The following TMEM132C variants were observed in gnomAD, a reference collection of about 807,000 sequenced individuals.
TMEM132C encodes the protein protein phosphatase 1, regulatory subunit 152.
Under a neutral mutation model 61.4 loss-of-function variants are expected in TMEM132C, and 29 were observed. The ratio of observed to expected loss-of-function variants is 0.47; its 90% confidence interval spans 0.35 to 0.64. The LOEUF (loss-of-function observed/expected upper bound fraction) is 0.64, where lower values mean the gene tolerates loss of function less well. Ranked by LOEUF, TMEM132C falls within the 30% of genes least tolerant of loss-of-function variation. The pLI, the probability that TMEM132C is intolerant of heterozygous loss-of-function variation, is 0.00. For synonymous variants in TMEM132C, 656 were observed against 633.1 expected (o/e 1.04, Z -0.54); for missense variants, 1,408 against 1,476.9 (o/e 0.95, Z 0.76).
intron 4 of TMEM132C, among the ~76,000 whole-genome samples, chr12:128,652,653 C>A (rs999084384): frequency 6.6e-6 from 1 of 152,232 alleles, no homozygotes; most frequent in Non-Finnish European, 1.5e-5. Flanking sequence ...GCCTGGTGGC[C>A]AGCATGGCCA....
rs58748919 is a variant in TMEM132C at position 128,358,493 on chromosome 12, T to TTGTGTGTGTGTGTGTG, written c.86-56221_86-56206dup. On this transcript the variant is annotated intron_variant, in intron 1 of 8. Coordinates refer to ENST00000435159, the MANE Select transcript of TMEM132C (RefSeq NM_001136103.3). ...GAAGATGCCATGACCACTTTTAAAA[T>TTGTGTGTGTGTGTGTG]TGTGTGTGTGTGTGTGTGTGTGTGT... Among the ~76,000 whole-genome samples, 514 of 144,996 alleles carry TTGTGTGTGTGTGTGTG rather than the reference T, an allele frequency of 3.5e-3. 8 individuals carry two copies. The highest frequency in any genetic ancestry group is 0.011 in the Middle Eastern group (3 of 280).
At chr12:128,482,010 G>A (rs1018179928) in intron 2 of TMEM132C, among the ~76,000 whole-genome samples, 22 of 152,284 alleles carry the variant, frequency 1.4e-4, no homozygotes, top group Admixed American at 1.4e-3. Context: ...TGCCCATTCA[G>A]TGTGATATTG....
intron 1 of TMEM132C, among the ~76,000 whole-genome samples, chr12:128,274,278 A>G (rs1251799680): frequency 6.6e-6 from 1 of 152,216 alleles, no homozygotes; most frequent in Non-Finnish European, 1.5e-5. Context: ...TGGAATCCTA[A>G]AGTAACCCAA....
chr12:128,388,513 G>A (rs980722869), intron 1 of TMEM132C, among the ~76,000 whole-genome samples: 2 of 152,194 alleles, frequency 1.3e-5, no homozygotes, highest in Admixed American at 6.5e-5. Flanking sequence ...TAAACTGTCT[G>A]AGGGCCAGTG....
chr12:128,500,220 G>T (rs185919480), intron 2 of TMEM132C, among the ~76,000 whole-genome samples: 23 of 152,236 alleles, frequency 1.5e-4, no homozygotes, highest in African/African-American at 5.5e-4. Context: ...AAATCTACTT[G>T]GAAGAGCTAA....
At chr12:128,318,289 A>G in intron 1 of TMEM132C, among the ~76,000 whole-genome samples, 1 of 152,200 alleles carries the variant, frequency 6.6e-6, no homozygotes. Context: ...AACAACTCCA[A>G]ATTTCTAGTT....
chr12:128,592,216 C>T (rs370481738), intron 3 of TMEM132C, among the ~76,000 whole-genome samples: 1 of 152,194 alleles, frequency 6.6e-6, no homozygotes, highest in Non-Finnish European at 1.5e-5. Flanking sequence ...ACGGAGGCTG[C>T]GCCTAAGGTC....
intron 1 of TMEM132C, among the ~76,000 whole-genome samples, chr12:128,365,979 C>T (rs1020210425): frequency 6.6e-6 from 1 of 152,208 alleles, no homozygotes; most frequent in Non-Finnish European, 1.5e-5. Flanking sequence ...TTGAAAGCCA[C>T]CCACTGCTGT....
In TMEM132C at chr12:128,360,245, G is replaced by GACACACAC. The variant is rs145728632; in HGVS notation, c.86-54458_86-54451dup. 8.4e-4 allele frequency among the ~76,000 whole-genome samples: 123 copies of GACACACAC among 146,098 alleles called. 2 individuals are homozygous for GACACACAC. Among genetic ancestry groups the GACACACAC allele is most frequent in the African/African-American group, 2.7e-3 (105 of 39,202 alleles). The stretch of plus-strand genomic sequence containing the variant: ...TAACAATGTTAGATTGATAAAGGAC[G>GACACACAC]ACACACACACACACACACACACACA... On this transcript the variant is annotated intron_variant, in intron 1 of 8. Transcript: ENST00000435159.
At chr12:128,553,060 T>C (rs1874225475) in intron 3 of TMEM132C, among the ~76,000 whole-genome samples, 2 of 152,172 alleles carry the variant, frequency 1.3e-5, no homozygotes, top group Non-Finnish European at 2.9e-5. Flanking sequence ...TGCAAGGGTG[T>C]CCAGTCTTTT....
chr12:128,595,451 C>T (rs1331286349), intron 3 of TMEM132C, among the ~76,000 whole-genome samples: 3 of 152,188 alleles, frequency 2.0e-5, no homozygotes, highest in Admixed American at 6.5e-5. Context: ...TTACCATACC[C>T]GCTGTTCACT....
intron 2 of TMEM132C, among the ~76,000 whole-genome samples, chr12:128,449,351 A>C (rs1870105088): frequency 6.6e-6 from 1 of 152,016 alleles, no homozygotes; most frequent in Non-Finnish European, 1.5e-5. Context: ...TACTGAAATT[A>C]CTTTCCTGGT....
At chr12:128,409,425 G>T (rs956860486) in intron 1 of TMEM132C, among the ~76,000 whole-genome samples, 1 of 152,084 alleles carries the variant, frequency 6.6e-6, no homozygotes, top group Non-Finnish European at 1.5e-5. Context: ...GGTCCATGGC[G>T]CACAGCGGGC....
At chr12:128,355,650 A>G (rs1252895989) in intron 1 of TMEM132C, among the ~76,000 whole-genome samples, 1 of 150,652 alleles carries the variant, frequency 6.6e-6, no homozygotes, top group Non-Finnish European at 1.5e-5. Context: ...TACCTCCCCA[A>G]CCCCCAGGCA....
chr12:128,390,107 G>A (rs1238133189), intron 1 of TMEM132C, among the ~76,000 whole-genome samples: 1 of 152,164 alleles, frequency 6.6e-6, no homozygotes, highest in African/African-American at 2.4e-5. Flanking sequence ...ATGGGCTCAA[G>A]TGATCCTCCC....
intron 1 of TMEM132C, among the ~76,000 whole-genome samples, chr12:128,340,686 G>A (rs1470087956): frequency 6.6e-6 from 1 of 151,900 alleles, no homozygotes; most frequent in East Asian, 1.9e-4. Context: ...GATATTCTAT[G>A]CTCTTTCTTT....
intron 3 of TMEM132C, among the ~76,000 whole-genome samples, chr12:128,567,081 T>C (rs1193161946): frequency 6.6e-6 from 1 of 152,182 alleles, no homozygotes; most frequent in Non-Finnish European, 1.5e-5. Context: ...CAAATTCAGC[T>C]TATTGACCCT....
intron 2 of TMEM132C, among the ~76,000 whole-genome samples, chr12:128,437,293 A>C (rs1351435429): frequency 6.6e-6 from 1 of 152,118 alleles, no homozygotes; most frequent in Non-Finnish European, 1.5e-5. Context: ...CTTAAAGTTT[A>C]ATAAAATAAA....
chr12:128,295,329 A>G (rs1871373468), intron 1 of TMEM132C, among the ~76,000 whole-genome samples: 1 of 152,146 alleles, frequency 6.6e-6, no homozygotes, highest in African/African-American at 2.4e-5. Flanking sequence ...GAGTCAACAC[A>G]CCCAGTCCCA....
Sources: allele counts gnomAD v4.1 joint callset (sites outside exome capture counted in the v4.1 genomes callset), GRCh38; gene constraint gnomAD v4.1.1; transcripts MANE v1.5; gene names NCBI Gene and HGNC (gene_info 2026-07-23, HGNC 2026-07-21).